PTK2: variants seen among roughly 807,000 people sequenced by gnomAD.
PTK2 encodes the protein focal adhesion kinase 1.
PTK2 carries 45 observed loss-of-function variants against 150.1 expected under a neutral mutation model. That is an observed-to-expected ratio of 0.30 (90% confidence interval 0.24 to 0.38). The LOEUF is 0.38. Ranked by LOEUF, PTK2 falls within the 10% of genes least tolerant of loss-of-function variation. The pLI is 1.00. For synonymous variants in PTK2, 432 were observed against 449.2 expected (o/e 0.96, Z 0.48); for missense variants, 919 against 1,307.3 (o/e 0.70, Z 4.58).
chr8:140,761,384 A>G (rs2100069359), intron 15 of PTK2, 122 bp from the exon 19 acceptor site: 2 of 817,014 alleles, frequency 2.4e-6, no homozygotes, highest in African/African-American at 3.3e-5. Flanking sequence ...AATCTATGAA[A>G]ATGCTTTAAA....
At chr8:140,837,104 CTTTGGTA>C (rs767095441) in intron 7 of PTK2, among the ~76,000 whole-genome samples, 8 of 152,146 alleles carry the variant, frequency 5.3e-5, no homozygotes, top group African/African-American at 9.7e-5. Flanking sequence ...ATTTGACCTC[CTTTGGTA>C]GCTGCCTTCT....
intron 24 of PTK2, 75 bp downstream of exon 27, chr8:140,706,044 G>A: frequency 8.4e-7 from 1 of 1,185,906 alleles, no homozygotes; most frequent in Admixed American, 1.8e-5. Flanking sequence ...ATAAAAATAT[G>A]CACAATGTAC....
intron 2 of PTK2, among the ~76,000 whole-genome samples, chr8:140,915,456 T>C (rs1001487140): frequency 5.9e-5 from 9 of 152,156 alleles, no homozygotes; most frequent in African/African-American, 2.2e-4. Context: ...GGACACATTT[T>C]AGGGTTCCCA....
chr8:140,901,649 CTTTTTTT>C (rs556569172), intron 2 of PTK2, among the ~76,000 whole-genome samples: 2 of 136,590 alleles, frequency 1.5e-5, no homozygotes, highest in African/African-American at 5.4e-5. Flanking sequence ...AAGATCCTGT[CTTTTTTT>C]TTTTTTTTTT....
intron 4 of PTK2, among the ~76,000 whole-genome samples, chr8:140,865,329 GC>G (rs1206655979): frequency 6.6e-6 from 1 of 152,214 alleles, no homozygotes; most frequent in Non-Finnish European, 1.5e-5. Flanking sequence ...CTCCCAAAGT[GC>G]TGGGATTATA....
intron 4 of PTK2, among the ~76,000 whole-genome samples, chr8:140,874,702 G>T (rs372040412): frequency 6.6e-6 from 1 of 152,044 alleles, no homozygotes; most frequent in African/African-American, 2.4e-5. Context: ...TATCATAATA[G>T]AAATTAATTT....
intron 2 of PTK2, among the ~76,000 whole-genome samples, chr8:140,900,184 T>C (rs2154607674): frequency 6.6e-6 from 1 of 152,252 alleles, no homozygotes; most frequent in African/African-American, 2.4e-5. Flanking sequence ...TGACATGATC[T>C]TATAACCCAA....
intron 1 of PTK2, among the ~76,000 whole-genome samples, chr8:140,930,590 T>C (rs1215371865): frequency 2.0e-5 from 3 of 152,222 alleles, no homozygotes; most frequent in African/African-American, 4.8e-5. Context: ...CAAATAACTT[T>C]CTAATTTTGA....
chr8:140,729,518 T>C lies in PTK2; in HGVS notation c.2030+5733A>G, dbSNP rs552359117. Among the ~76,000 whole-genome samples, 6 of 152,270 alleles carry C rather than the reference T, an allele frequency of 3.9e-5. No homozygotes were observed. The South Asian group carries it at 1.0e-3, about 26-fold the overall frequency. On this transcript the variant is annotated intron_variant, in intron 22 of 31. Transcript: ENST00000522684. ...AACCAGTAAGAAAATACTTTGAAAG[T>C]ACAAAAGGAAGCCATGTCCCCCTCA...
chr8:140,801,144 A>G (rs757656222), intron 11 of PTK2, among the ~76,000 whole-genome samples: 1 of 152,238 alleles, frequency 6.6e-6, no homozygotes, highest in Non-Finnish European at 1.5e-5. Flanking sequence ...AGATGTCACC[A>G]AACTCACAGA....
intron 26 of PTK2, among the ~76,000 whole-genome samples, chr8:140,696,772 A>G (rs1014012474): frequency 1.2e-4 from 19 of 152,192 alleles, no homozygotes; most frequent in Non-Finnish European, 5.9e-5. Flanking sequence ...CTTTCATTTA[A>G]TCAGTCAACA....
intron 2 of PTK2, among the ~76,000 whole-genome samples, chr8:140,902,092 G>A (rs915965567): frequency 4.0e-5 from 6 of 151,606 alleles, no homozygotes; most frequent in African/African-American, 7.3e-5. Flanking sequence ...GGAGTGCAGC[G>A]GCACAATCTT....
At chr8:140,673,015 A>G (rs951689287) in intron 29 of PTK2, among the ~76,000 whole-genome samples, 1 of 152,244 alleles carries the variant, frequency 6.6e-6, no homozygotes, top group African/African-American at 2.4e-5. Flanking sequence ...ATGACAGTCA[A>G]TAAATGGTGG....
chr8:140,764,350 A>T, intron 14 of PTK2, 60 bp from the exon 17 acceptor site: 1 of 1,286,824 alleles, frequency 7.8e-7, no homozygotes, highest in South Asian at 1.2e-5. Context: ...CTGGTATTTC[A>T]TATAATTAAA....
chr8:140,869,545 A>G (rs1430031234), intron 4 of PTK2, among the ~76,000 whole-genome samples: 1 of 152,128 alleles, frequency 6.6e-6, no homozygotes, highest in East Asian at 1.9e-4. Flanking sequence ...AATGATCACG[A>G]TGTCAGACTT....
chr8:140,717,466 A>C, intron 23 of PTK2, 132 bp downstream of exon 26: 1 of 669,270 alleles, frequency 1.5e-6, no homozygotes, highest in East Asian at 2.7e-5. Flanking sequence ...GGAAACAATT[A>C]GTTGGTGTTA....
chr8:140,731,509 C>T (rs2100049341), intron 22 of PTK2, among the ~76,000 whole-genome samples: 1 of 152,160 alleles, frequency 6.6e-6, no homozygotes. Context: ...TCACAGACAT[C>T]ACCTCATCAA....
In PTK2 at chr8:140,935,702, C is replaced by CTTTTTTTTTTTT. The variant is rs34554819; in HGVS notation, c.-121-9965_-121-9954dup. ...ATCTCAATGCTCAGTATGTCCTCAT[C>CTTTTTTTTTTTT]TTTTTTTTTTTTTTTGAGACAGAGT... On this transcript the variant is annotated intron_variant, in intron 1 of 31. Coordinates refer to ENST00000522684, the Ensembl canonical transcript of PTK2. Among the ~76,000 whole-genome samples, 237 of 123,838 alleles carry CTTTTTTTTTTTT rather than the reference C, an allele frequency of 1.9e-3. 5 individuals carry two copies. The highest frequency in any genetic ancestry group is 4.6e-3 in the Middle Eastern group (1 of 216). 81.2% of individuals were successfully genotyped at this position (123,838 alleles called of 152,430 possible).
chr8:140,955,800 G>C (rs1033231304), intron 1 of PTK2, among the ~76,000 whole-genome samples: 2 of 152,334 alleles, frequency 1.3e-5, no homozygotes, highest in Middle Eastern at 3.4e-3. Flanking sequence ...AGAAGGTTCA[G>C]AACTGGCAGC....
Sources: gnomAD v4.1 joint callset for allele counts (sites outside exome capture counted in the v4.1 genomes callset) on GRCh38, gnomAD v4.1.1 for gene constraint, MANE v1.5 for transcripts, NCBI Gene and HGNC (gene_info 2026-07-23, HGNC 2026-07-21) for gene names.